Variants in TMEM132D observed in about 807,000 individuals in gnomAD.
TMEM132D encodes the protein transmembrane protein 132D.
In TMEM132D, 21 loss-of-function variants were observed where a neutral mutation model predicts 62.3. The observed-to-expected ratio is 0.34, with a 90% confidence interval of 0.24 to 0.49. The LOEUF is 0.49. TMEM132D is among the 20% of genes least tolerant of loss of function. The probability of loss-of-function intolerance (pLI) is 0.99; values close to 1 mark genes in which losing one functional copy is unlikely to be tolerated. For synonymous variants in TMEM132D, 621 were observed against 575.6 expected, an observed-to-expected ratio of 1.08 and a Z score of -1.13; for missense variants, 1,346 against 1,402.8, an observed-to-expected ratio of 0.96 and a Z score of 0.65.
chr12:129,235,510 A>C (rs1437768865), intron 4 of TMEM132D, among the ~76,000 whole-genome samples: 3 of 152,120 alleles, frequency 2.0e-5, no homozygotes, highest in African/African-American at 7.2e-5. Context: ...GTTGAGATTA[A>C]TCCTTGCTGT....
rs747860987 is a variant in TMEM132D at position 129,073,871 on chromosome 12, T to C, written c.*4A>G. ...GTGAGAACCAATGTCTGTGTGTGTC[T>C]GGCTTACACATTTTCATGTAACCTC... On this transcript the variant is annotated 3_prime_UTR_variant, in exon 9 of 9. Transcript: ENST00000422113. The C allele has an allele frequency of 3.3e-6, 5 of 1,525,960 alleles. No homozygotes were observed. The highest frequency in any genetic ancestry group is 2.6e-5 in the South Asian group (2 of 75,866). 94.5% of individuals were successfully genotyped at this position (1,525,960 alleles called of 1,614,324 possible). A position where few individuals can be genotyped will look rare whatever the true frequency, so the allele number is the denominator to read the frequency against.
intron 3 of TMEM132D, among the ~76,000 whole-genome samples, chr12:129,483,035 A>C (rs576274187): frequency 6.9e-4 from 105 of 151,386 alleles, no homozygotes; most frequent in African/African-American, 2.5e-3. Context: ...ATCTTCAAAA[A>C]CTCCTTTTAC....
At chr12:129,592,210 C>A (rs1300504763) in intron 2 of TMEM132D, among the ~76,000 whole-genome samples, 1 of 120,220 alleles carries the variant, frequency 8.3e-6, no homozygotes, top group African/African-American at 3.2e-5. Context: ...AATATAATGT[C>A]CATCTGATTT....
rs200838665 is a variant in TMEM132D at position 129,826,870 on chromosome 12, G to GA, written c.79+76390dup. ...AGGATGGAGAAAAAAAGTACAAAAGGAAAAAAAATCAAAACTCTGCTTTGA... is the reference window on the plus strand; with the variant it reads ...AGGATGGAGAAAAAAAGTACAAAAGGAAAAAAAAATCAAAACTCTGCTTTGA... On this transcript the variant is annotated intron_variant, in intron 1 of 8. Transcript: ENST00000422113. Among the ~76,000 whole-genome samples, 275 of 151,742 alleles carry GA rather than the reference G, an allele frequency of 1.8e-3. 1 individual carries two copies. Among genetic ancestry groups the GA allele is most frequent in the Non-Finnish European group, 2.6e-3 (178 of 67,902 alleles).
At chr12:129,561,157 G>T (rs757691308) in intron 2 of TMEM132D, among the ~76,000 whole-genome samples, 3 of 152,202 alleles carry the variant, frequency 2.0e-5, no homozygotes, top group Admixed American at 6.5e-5. Context: ...TCTGAGAGAT[G>T]ATACTTAAGG....
intron 3 of TMEM132D, among the ~76,000 whole-genome samples, chr12:129,528,147 T>C (rs1212672003): frequency 1.3e-5 from 2 of 152,222 alleles, no homozygotes; most frequent in Non-Finnish European, 2.9e-5. Context: ...CAGGAAATTA[T>C]AAAGCAAAAC....
intron 1 of TMEM132D, 48 bp from the exon 2 acceptor site, chr12:129,700,746 G>A: frequency 1.3e-6 from 2 of 1,531,784 alleles, no homozygotes; most frequent in South Asian, 2.5e-5. Context: ...CTAAGGTCCT[G>A]TTACCAGCAT....
chr12:129,264,988 C>A (rs1470022589), intron 4 of TMEM132D, among the ~76,000 whole-genome samples: 3 of 152,060 alleles, frequency 2.0e-5, no homozygotes, highest in Non-Finnish European at 4.4e-5. Flanking sequence ...GTGATGGGTG[C>A]ACCAAAATCT....
chr12:129,889,145 C>T (rs1229564492), intron 1 of TMEM132D, among the ~76,000 whole-genome samples: 1 of 152,152 alleles, frequency 6.6e-6, no homozygotes, highest in African/African-American at 2.4e-5. Context: ...ATTCTAGGTC[C>T]GTAGAGCCTC....
rs1233376946 is a variant in TMEM132D, at chr12:129,371,512, ATGG to A, written c.1116-33698_1116-33696del. Among the ~76,000 whole-genome samples the A allele has an allele frequency of 2.0e-5, 3 of 151,856 alleles. No homozygotes were observed. The highest frequency in any genetic ancestry group is 4.8e-5 in the African/African-American group (2 of 41,338). ...GATAAAGATGACAGTGGCAATGATA[ATGG>A]TGGTGATTATGATGATGATTATGAT... On this transcript the variant is annotated intron_variant, in intron 3 of 8. Transcript: ENST00000422113. The surrounding 1 kb of genome is among the most constrained non-coding windows in gnomAD (Gnocchi z 4.3).
intron 2 of TMEM132D, among the ~76,000 whole-genome samples, chr12:129,620,320 C>A (rs1593092289): frequency 6.6e-6 from 1 of 152,306 alleles, no homozygotes; most frequent in East Asian, 1.9e-4. Flanking sequence ...GTCAGGCCTG[C>A]AGAAGCAGTG....
intron 4 of TMEM132D, among the ~76,000 whole-genome samples, chr12:129,253,390 G>T (rs567674282): frequency 1.3e-5 from 2 of 152,170 alleles, no homozygotes; most frequent in East Asian, 3.9e-4. Context: ...CCCAAAGCCT[G>T]AGCACTATGA....
chr12:129,579,834 T>C (rs1409234627), intron 2 of TMEM132D, among the ~76,000 whole-genome samples: 2 of 152,178 alleles, frequency 1.3e-5, no homozygotes, highest in African/African-American at 4.8e-5. Flanking sequence ...TTCAATTCAA[T>C]CAAGTTGACA....
chr12:129,663,961 T>A (rs942767046), intron 2 of TMEM132D, among the ~76,000 whole-genome samples: 2 of 152,152 alleles, frequency 1.3e-5, no homozygotes, highest in Non-Finnish European at 2.9e-5. Flanking sequence ...ACAAAATCAC[T>A]GTTTGGGGGC....
intron 5 of TMEM132D, among the ~76,000 whole-genome samples, chr12:129,137,287 C>G (rs924733261): frequency 2.6e-5 from 4 of 152,012 alleles, no homozygotes; most frequent in African/African-American, 9.7e-5. Flanking sequence ...TCACTACCAT[C>G]ATCACTATCA....
At chr12:129,391,022 C>T (rs1021684071) in intron 3 of TMEM132D, among the ~76,000 whole-genome samples, 8 of 152,176 alleles carry the variant, frequency 5.3e-5, no homozygotes, top group African/African-American at 1.7e-4. Flanking sequence ...CAGTACAGTA[C>T]GTACTCTATA....
intron 2 of TMEM132D, among the ~76,000 whole-genome samples, chr12:129,580,574 T>C (rs751014907): frequency 1.2e-4 from 19 of 152,052 alleles, no homozygotes; most frequent in Non-Finnish European, 2.9e-5. Context: ...CGTGGTGGCA[T>C]GCACCTGTAG....
intron 3 of TMEM132D, among the ~76,000 whole-genome samples, chr12:129,381,080 C>A (rs1200475708): frequency 6.6e-6 from 1 of 152,178 alleles, no homozygotes; most frequent in African/African-American, 2.4e-5. Flanking sequence ...TGATACAAAT[C>A]ATTCCAGTCA....
intron 1 of TMEM132D, among the ~76,000 whole-genome samples, chr12:129,889,231 T>A (rs902823851): frequency 2.0e-5 from 3 of 152,144 alleles, no homozygotes; most frequent in African/African-American, 7.2e-5. Context: ...CAAATACGTC[T>A]CCTTTTGACT....
Sources: allele counts gnomAD v4.1 joint callset (sites outside exome capture counted in the v4.1 genomes callset), GRCh38; gene constraint gnomAD v4.1.1; non-coding constraint Gnocchi (gnomAD v3.1); transcripts MANE v1.5; gene names NCBI Gene and HGNC (gene_info 2026-07-23, HGNC 2026-07-21).